Variants in SAMMSON observed in about 807,000 individuals in gnomAD.
SAMMSON encodes long intergenic non-protein coding RNA 1212.
chr3:70,136,830 A>G (rs982616980), intron 4 of SAMMSON, among the ~76,000 whole-genome samples: 1 of 30,022 alleles, frequency 3.3e-5, no homozygotes, highest in Non-Finnish European at 6.8e-5. Context: ...AAGACATTTT[A>G]TGTCATTGAA....
intron 2 of SAMMSON, among the ~76,000 whole-genome samples, chr3:70,430,473 G>T (rs1701404832): frequency 6.6e-6 from 1 of 152,196 alleles, no homozygotes; most frequent in South Asian, 2.1e-4. Flanking sequence ...CTAGTAGAAG[G>T]AGTAACATGG....
chr3:70,427,260 G>C (rs1406655305), intron 2 of SAMMSON, among the ~76,000 whole-genome samples: 1 of 152,136 alleles, frequency 6.6e-6, no homozygotes, highest in African/African-American at 2.4e-5. Context: ...GGCATTCATT[G>C]TTGTAGTCAT....
intron 4 of SAMMSON, chr3:70,184,158 GCTT>G (rs2106707132): frequency 6.6e-6 from 1 of 152,288 alleles, no homozygotes; most frequent in South Asian, 2.1e-4. Context: ...CATCCGTGAT[GCTT>G]CTTCAAAAAT....
intron 7 of SAMMSON, among the ~76,000 whole-genome samples, chr3:70,301,060 T>TA (rs1702343884): frequency 6.6e-6 from 1 of 152,098 alleles, no homozygotes; most frequent in Non-Finnish European, 1.5e-5. Flanking sequence ...TTTCCTCATT[T>TA]AAAAAAGACG....
chr3:70,194,256 A>G (rs1206466724), intron 4 of SAMMSON, among the ~76,000 whole-genome samples: 1 of 152,212 alleles, frequency 6.6e-6, no homozygotes, highest in Non-Finnish European at 1.5e-5. Flanking sequence ...TCCTTAAATC[A>G]GAATACTCTG....
chr3:70,390,444 G>C (rs1701035020), downstream of SAMMSON, among the ~76,000 whole-genome samples: 1 of 152,136 alleles, frequency 6.6e-6, no homozygotes, highest in Non-Finnish European at 1.5e-5. Context: ...GGTTCTGCAG[G>C]CTGTCCAGGA....
intron 6 of SAMMSON, among the ~76,000 whole-genome samples, chr3:70,283,407 A>G (rs1026079415): frequency 7.2e-5 from 11 of 152,136 alleles, no homozygotes; most frequent in Admixed American, 6.6e-4. Flanking sequence ...GCTGACGAAT[A>G]CTGAAATTCT....
intron 7 of SAMMSON, among the ~76,000 whole-genome samples, chr3:70,339,613 G>T (rs1316749339): frequency 1.3e-5 from 2 of 152,260 alleles, no homozygotes; most frequent in African/African-American, 4.8e-5. Context: ...AGATACTTCT[G>T]AAAAGAAGAC....
At chr3:70,208,198 T>C (rs1187786405) in intron 4 of SAMMSON, among the ~76,000 whole-genome samples, 1 of 152,096 alleles carries the variant, frequency 6.6e-6, no homozygotes, top group Admixed American at 6.6e-5. Context: ...GTGGCACAAC[T>C]GGGACGTGGT....
rs1701697432 is a variant in SAMMSON, at chr3:70,245,401, T to C, written n.508-3706T>C. On this transcript the variant is annotated intron_variant and non_coding_transcript_variant, in intron 4 of 9. Transcript: ENST00000642114. ...CTTAATGTTTTAATGCTAGTATAGA[T>C]TTAAAAAGTACATGATTCTTGGAAA... is the stretch of plus-strand genomic sequence containing the variant. Among the ~76,000 whole-genome samples, 4 of 151,744 alleles carry C rather than the reference T, an allele frequency of 2.6e-5. No homozygotes were observed. The South Asian group carries it at 8.3e-4, about 31-fold the overall frequency.
At chr3:70,304,083 C>T (rs935580823) in intron 7 of SAMMSON, among the ~76,000 whole-genome samples, 1 of 151,996 alleles carries the variant, frequency 6.6e-6, no homozygotes, top group African/African-American at 2.4e-5. Flanking sequence ...TATTGCAATC[C>T]CAAATGTCAA....
chr3:70,211,822 C>CCCTTTTT (rs553382110), intron 4 of SAMMSON, among the ~76,000 whole-genome samples: 1 of 148,564 alleles, frequency 6.7e-6, no homozygotes, highest in African/African-American at 2.5e-5. Context: ...CCCTTCCCTT[C>CCCTTTTT]CCTTTTTCCT....
rs758756230 is a variant in SAMMSON, at chr3:70,348,463, C to T, written n.740-5712C>T. Among the ~76,000 whole-genome samples, 29 of 152,038 alleles carry T rather than the reference C, an allele frequency of 1.9e-4. 1 individual carries two copies. Among genetic ancestry groups the T allele is most frequent in the South Asian group, 2.1e-4 (1 of 4,816 alleles). On this transcript the variant is annotated intron_variant and non_coding_transcript_variant, in intron 7 of 9. Coordinates refer to ENST00000642114, the Ensembl canonical transcript of SAMMSON. ...GGTTTGCAGATGGCTGTCTTCACAC[C>T]GCATCCTTACATGGCAGAGAGAGAG...
chr3:70,229,736 C>T (rs1206410583), intron 4 of SAMMSON, among the ~76,000 whole-genome samples: 3 of 152,096 alleles, frequency 2.0e-5, no homozygotes, highest in Non-Finnish European at 4.4e-5. Context: ...CCTGAGTCAC[C>T]ACATGGTGGA....
intron 4 of SAMMSON, among the ~76,000 whole-genome samples, chr3:70,186,874 A>G (rs1264387138): frequency 6.6e-6 from 1 of 152,214 alleles, no homozygotes; most frequent in African/African-American, 2.4e-5. Flanking sequence ...AAGCCCCATG[A>G]CATGTCTGTC....
In SAMMSON at chr3:70,320,892, T is replaced by C. The variant is rs552280055; in HGVS notation, n.739+29649T>C. Among the ~76,000 whole-genome samples the C allele has an allele frequency of 2.0e-5, 3 of 152,202 alleles. No individual in the cohort carries two copies. The South Asian group carries it at 6.2e-4, about 31-fold the overall frequency. ...AGGGAAAGCAAAGTAGGCAACTTCA[T>C]TGTGTCAGTTTCCTTATCTGTAAAG... On this transcript the variant is annotated intron_variant and non_coding_transcript_variant, in intron 7 of 9. Coordinates refer to ENST00000642114, the Ensembl canonical transcript of SAMMSON.
intron 7 of SAMMSON, among the ~76,000 whole-genome samples, chr3:70,332,441 C>T (rs1278952698): frequency 6.6e-6 from 1 of 152,126 alleles, no homozygotes; most frequent in Non-Finnish European, 1.5e-5. Context: ...AGTTCCTGTC[C>T]ACTCTTCTTG....
intron 6 of SAMMSON, among the ~76,000 whole-genome samples, chr3:70,275,979 C>T (rs1000966960): frequency 6.6e-6 from 1 of 151,888 alleles, no homozygotes; most frequent in African/African-American, 2.4e-5. Flanking sequence ...TGGAATTACC[C>T]ATGATTTTAT....
chr3:70,404,480 G>C (rs1701164664), intron 2 of SAMMSON, among the ~76,000 whole-genome samples: 1 of 152,032 alleles, frequency 6.6e-6, no homozygotes, highest in East Asian at 1.9e-4. Flanking sequence ...ACACTGACTT[G>C]ATATAATTAA....
Sources: allele counts gnomAD v4.1 joint callset (sites outside exome capture counted in the v4.1 genomes callset), GRCh38; gene constraint gnomAD v4.1.1; transcripts MANE v1.5; gene names NCBI Gene and HGNC (gene_info 2026-07-23, HGNC 2026-07-21).